The following PRAMEF15 variants were observed in gnomAD, a reference collection of about 807,000 sequenced individuals.
The protein encoded by PRAMEF15 is PRAME family member 15.
Under a neutral mutation model 35.3 loss-of-function variants are expected in PRAMEF15, and 21 were observed. The observed-to-expected ratio is 0.59, with a 90% CI of 0.42 to 0.86. PRAMEF15 has a LOEUF of 0.86. Among genes scored for constraint, PRAMEF15 ranks in the 40% least tolerant of loss-of-function variants. The pLI, the probability that PRAMEF15 is intolerant of heterozygous loss-of-function variation, is 0.00. For synonymous variants in PRAMEF15, 122 were observed against 223.3 expected, an observed-to-expected ratio of 0.55 and a Z score of 4.05; for missense variants, 360 against 574.1, an observed-to-expected ratio of 0.63 and a Z score of 3.81.
In PRAMEF15 at chr1:13,319,561, T is replaced by C. The variant is rs1177799598; in HGVS notation, c.483T>C (p.Thr161=). 3 of 1,613,854 alleles carry C rather than the reference T, an allele frequency of 1.9e-6. No individual in the cohort carries two copies. Among genetic ancestry groups the C allele is most frequent in the Non-Finnish European group, 2.5e-6 (3 of 1,179,834 alleles). ...VFVELWLKNR[T]LDEYLTYLLL... Reference sequence around the variant, plus strand: ...TAGAACTTTGGCTCAAGAACAGGACTCTGGATGAATACCTCACCTACCTCC... The same window carrying C: ...TAGAACTTTGGCTCAAGAACAGGACCCTGGATGAATACCTCACCTACCTCC... Residue 161 remains threonine, a synonymous_variant, in exon 3 of 4, where the codon ACT becomes ACC. Coordinates refer to ENST00000376152, the MANE Select transcript of PRAMEF15 (RefSeq NM_001098376.3).
chr1:13,318,430 C>T lies in PRAMEF15; in HGVS notation c.23C>T (p.Pro8Leu). Reference protein sequence around the residue: MKMSIRTPPRLLELAGRS... With the variant: MKMSIRTLPRLLELAGRS... ...TTCATGAAGATGAGCATCCGGACTC[C>T]ACCCAGACTCCTGGAGCTTGCAGGG... The change falls in exon 2 of 4, where the codon CCA becomes CTA. Residue 8 changes from proline (P) to leucine (L), a missense_variant. By Grantham distance (98) the Pro-to-Leu change is moderately conservative (BLOSUM62 -3). Coordinates refer to ENST00000376152, the MANE Select transcript of PRAMEF15 (RefSeq NM_001098376.3). The T allele has an allele frequency of 1.2e-6, 2 of 1,613,442 alleles. No homozygotes were observed.
chr1:13,321,024 C>G (rs1207907860), intron 3 of PRAMEF15, among the ~76,000 whole-genome samples: 27 of 152,002 alleles, frequency 1.8e-4, no homozygotes, highest in Admixed American at 1.8e-3. Context: ...TACAGCCCGC[C>G]CACCCCAGCT....
intron 1 of PRAMEF15, among the ~76,000 whole-genome samples, chr1:13,318,155 C>G (rs1640030953): frequency 6.6e-6 from 1 of 152,168 alleles, no homozygotes; most frequent in African/African-American, 2.4e-5. Context: ...GGATGGAGCA[C>G]TGGATAGAAA....
chr1:13,317,224 T>G (rs1640016483), intron 1 of PRAMEF15, among the ~76,000 whole-genome samples: 1 of 151,670 alleles, frequency 6.6e-6, no homozygotes, highest in Admixed American at 6.6e-5. Flanking sequence ...CGCAGACCAC[T>G]GCACCTGGCT....
chr1:13,319,969 G>A lies in PRAMEF15; in HGVS notation c.875+16G>A, dbSNP rs1449519080. 1.3e-5 allele frequency: 21 copies of A among 1,611,164 alleles called. No homozygotes were observed. Among genetic ancestry groups the A allele is most frequent in the Non-Finnish European group, 1.8e-5 (21 of 1,179,856 alleles). ...AGCTGCTCAGGTGAGGGAGGATGGT[G>A]AGCTTTCTCTGCAGACCACAGCAGA... is the stretch of plus-strand genomic sequence containing the variant. On this transcript the variant is annotated intron_variant, in intron 3 of 3. Transcript: ENST00000376152.
chr1:13,319,281 G>A, intron 2 of PRAMEF15, 91 bp from the exon 3 acceptor site: 2 of 1,583,684 alleles, frequency 1.3e-6, no homozygotes, highest in Non-Finnish European at 1.7e-6. Flanking sequence ...GGGACAACAA[G>A]CAGGGAGGGG....
chr1:13,317,346 A>G (rs1170554147), intron 1 of PRAMEF15, among the ~76,000 whole-genome samples: 1 of 151,896 alleles, frequency 6.6e-6, no homozygotes, highest in African/African-American at 2.4e-5. Context: ...CTCAGATTAC[A>G]GGTGTGAGTC....
intron 3 of PRAMEF15, 82 bp downstream of exon 3, chr1:13,320,035 A>T: frequency 6.2e-7 from 1 of 1,604,366 alleles, no homozygotes; most frequent in East Asian, 2.2e-5. Context: ...ACTGTGAGCC[A>T]GCCTATGAGG....
At chr1:13,317,322 G>A (rs1396994288) in intron 1 of PRAMEF15, among the ~76,000 whole-genome samples, 6 of 151,796 alleles carry the variant, frequency 4.0e-5, no homozygotes, top group South Asian at 2.1e-4. Flanking sequence ...CACCTGCCTC[G>A]GCCTCACAAA....
At chr1:13,320,917 C>A (rs1419789553) in intron 3 of PRAMEF15, among the ~76,000 whole-genome samples, 11 of 151,316 alleles carry the variant, frequency 7.3e-5, no homozygotes, top group South Asian at 2.1e-4. Flanking sequence ...ATTATCTAGG[C>A]AATGCATGAT....
chr1:13,320,003 C>T (rs1313142898), intron 3 of PRAMEF15, 50 bp downstream of exon 3: 1 of 1,609,216 alleles, frequency 6.2e-7, no homozygotes, highest in East Asian at 2.2e-5. Context: ...GAGCCTGTTA[C>T]AGTCAACACT....
intron 1 of PRAMEF15, among the ~76,000 whole-genome samples, chr1:13,317,063 T>C (rs1447505635): frequency 2.1e-4 from 32 of 151,212 alleles, no homozygotes; most frequent in Non-Finnish European, 4.0e-4. Context: ...TTAAGAAGTC[T>C]AGTCAAATGT....
chr1:13,322,042 C>G lies in PRAMEF15; in HGVS notation c.1215C>G (p.Ile405Met). ...ATLENLLSHT[I>M]ILKNLCVELY... ...TGGAGAACCTGCTGAGCCACACAAT[C>G]ATACTCAAAAACTTATGTGTGGAGC... The change falls in exon 4 of 4, where the codon ATC (isoleucine) becomes ATG (methionine). Residue 405 changes from isoleucine to methionine, a missense_variant. By Grantham distance (10) the Ile-to-Met change is conservative. This residue lies in a region of PRAMEF15 where 147 missense variants were observed against 123.5 expected (regional missense o/e 1.19). Coordinates refer to ENST00000376152, the MANE Select transcript of PRAMEF15 (RefSeq NM_001098376.3). 1 of 1,610,180 alleles carries G rather than the reference C, an allele frequency of 6.2e-7. No individual in the cohort carries two copies. The highest frequency in any genetic ancestry group is 8.5e-7 in the Non-Finnish European group (1 of 1,179,028).
At chr1:13,318,133 T>G (rs1412303579) in intron 1 of PRAMEF15, among the ~76,000 whole-genome samples, 8 of 151,998 alleles carry the variant, frequency 5.3e-5, no homozygotes, top group Non-Finnish European at 8.8e-5. Flanking sequence ...TCCTCCATAC[T>G]CACTAGTCAC....
rs1181867916 is a variant in PRAMEF15, at chr1:13,321,030, C to T, written c.876-673C>T. On this transcript the variant is annotated intron_variant, in intron 3 of 3. Coordinates refer to ENST00000376152, the MANE Select transcript of PRAMEF15 (RefSeq NM_001098376.3). The stretch of plus-strand genomic sequence containing the variant: ...AGGGATGCCTACAGCCCGCCCACCC[C>T]AGCTGATGTTGCAGGATCCTGTCTG... Among the ~76,000 whole-genome samples the T allele has an allele frequency of 4.0e-4, 61 of 152,102 alleles. 1 individual carries two copies. Among genetic ancestry groups the T allele is most frequent in the African/African-American group, 1.2e-3 (50 of 41,484 alleles).
rs1174333856 is a variant in PRAMEF15 at position 13,318,690 on chromosome 1, G to C, written c.283G>C (p.Val95Leu). 1 of 1,613,644 alleles carries C rather than the reference G, an allele frequency of 6.2e-7. No homozygotes were observed. Among genetic ancestry groups the C allele is most frequent in the Non-Finnish European group, 8.5e-7 (1 of 1,180,002 alleles). The change falls in exon 2 of 4, where the codon GTT becomes CTT. Residue 95 changes from valine (V) to leucine (L), a missense_variant. By Grantham distance (32) the Val-to-Leu change is conservative. Transcript: ENST00000376152. ...GCTTGATGCACTGCTTACCCAAGGGGTTCGTCCCAGGTGAGGTGGCCCAGG... is the reference window on the plus strand; with the variant it reads ...GCTTGATGCACTGCTTACCCAAGGGCTTCGTCCCAGGTGAGGTGGCCCAGG... ...DGLDALLTQGVRPRRWKLQVL... is the reference protein window; with the variant it reads ...DGLDALLTQGLRPRRWKLQVL...
At chr1:13,317,399 G>A (rs2797720) in intron 1 of PRAMEF15, among the ~76,000 whole-genome samples, 9 of 151,572 alleles carry the variant, frequency 5.9e-5, no homozygotes, top group East Asian at 4.0e-4. Flanking sequence ...ATGTGTAACA[G>A]GAGTGCATTG....
At chr1:13,320,712 C>T (rs1171804339) in intron 3 of PRAMEF15, among the ~76,000 whole-genome samples, 1 of 152,010 alleles carries the variant, frequency 6.6e-6, no homozygotes, top group Non-Finnish European at 1.5e-5. Context: ...GCGAGAGCTA[C>T]CACGCCCAGC....
chr1:13,319,754 T>A lies in PRAMEF15; in HGVS notation c.676T>A (p.Phe226Ile). The change falls in exon 3 of 4, where the codon TTT (phenylalanine) becomes ATT (isoleucine). Residue 226 changes from phenylalanine (F) to isoleucine (I), a missense_variant. Around this residue, in one of 8 missense-constraint regions of PRAMEF15, gnomAD observed 36 missense variants for 164.8 expected, o/e 0.22. Transcript: ENST00000376152. ...CKWVLPILTQ[F>I]TPYLGHMRNL... ...GTGGGTACTGCCCATCCTGACACAG[T>A]TTACCCCATACCTGGGCCACATGAG... The A allele has an allele frequency of 1.2e-6, 2 of 1,600,258 alleles. No individual in the cohort carries two copies. The highest frequency in any genetic ancestry group is 1.7e-5 in the Admixed American group (1 of 59,986).
Sources: gnomAD v4.1 joint callset for allele counts (sites outside exome capture counted in the v4.1 genomes callset) on GRCh38, gnomAD v4.1.1 for gene constraint, gnomAD v4.1.1 regional missense constraint, MANE v1.5 for transcripts, NCBI Gene and HGNC (gene_info 2026-07-23, HGNC 2026-07-21) for gene names.